TSHR: variants seen among roughly 807,000 people sequenced by gnomAD.
TSHR encodes thyrotropin receptor.
In TSHR, 51 loss-of-function variants were observed where a neutral mutation model predicts 64.1. That is an observed-to-expected ratio of 0.80 (90% CI 0.64 to 1.01). The LOEUF is 1.01. Ranked by LOEUF, TSHR falls within the 50% of genes least tolerant of loss-of-function variation. TSHR has a pLI of 0.00. For missense variants in TSHR, 877 were observed against 942.8 expected, an observed-to-expected ratio of 0.93 and a Z score of 0.91; for synonymous variants, 361 against 361.9, an observed-to-expected ratio of 1.00 and a Z score of 0.03.
intron 8 of TSHR, among the ~76,000 whole-genome samples, chr14:81,127,373 T>C (rs1383672843): frequency 6.6e-6 from 1 of 152,194 alleles, no homozygotes; most frequent in East Asian, 1.9e-4. Context: ...GTGGACCTTT[T>C]ATCTCCCACA....
Position 81,048,754 on chromosome 14 carries a change from G to A in TSHR, c.171-13394G>A, listed in dbSNP as rs1885291670. Among the ~76,000 whole-genome samples, 3 of 152,286 alleles carry A rather than the reference G, an allele frequency of 2.0e-5. No homozygotes were observed. The South Asian group carries it at 6.2e-4, about 32-fold the overall frequency. On this transcript the variant is annotated intron_variant, in intron 1 of 9. Coordinates refer to ENST00000298171, the MANE Select transcript of TSHR (RefSeq NM_000369.5). The stretch of plus-strand genomic sequence containing the variant: ...GTTGTTTGTTTCTGAACTGCGTGAT[G>A]GTAGGAGGTGCTTCTGACAATGTTC...
At chr14:81,097,703 G>T (rs532698920) in intron 7 of TSHR, among the ~76,000 whole-genome samples, 4 of 152,282 alleles carry the variant, frequency 2.6e-5, no homozygotes, top group African/African-American at 9.6e-5. Flanking sequence ...TAGGTGGTAG[G>T]TTCTGGAACA....
intron 1 of TSHR, among the ~76,000 whole-genome samples, chr14:81,028,938 A>G (rs1423939735): frequency 6.6e-6 from 1 of 151,828 alleles, no homozygotes; most frequent in Non-Finnish European, 1.5e-5. Flanking sequence ...GGAAATAAAG[A>G]ATCAGAAATA....
At chr14:81,059,539 A>G (rs1886075368) in intron 1 of TSHR, among the ~76,000 whole-genome samples, 1 of 152,194 alleles carries the variant, frequency 6.6e-6, no homozygotes, top group Non-Finnish European at 1.5e-5. Flanking sequence ...TAATTCATTT[A>G]ACATTATTGA....
At chr14:81,090,340 G>A (rs149117994) in intron 4 of TSHR, among the ~76,000 whole-genome samples, 2 of 152,252 alleles carry the variant, frequency 1.3e-5, no homozygotes, top group African/African-American at 2.4e-5. Context: ...CACCTCCCAG[G>A]TTCAAGTGAT....
intron 1 of TSHR, among the ~76,000 whole-genome samples, chr14:81,044,834 T>A (rs10147243): frequency 0.43 from 65,547 of 152,002 alleles, 18,581 homozygotes; most frequent in African/African-American, 0.82. Context: ...TGTGGAAGAC[T>A]GTGTGGTGAT....
rs73342245 is a variant in TSHR at position 81,145,081 on chromosome 14, A to G, written c.*728A>G. The G allele has an allele frequency of 3.6e-3, 835 of 233,300 alleles. 4 individuals are homozygous for G. Among genetic ancestry groups the G allele is most frequent in the African/African-American group, 0.017 (767 of 45,488 alleles). 14.5% of individuals were successfully genotyped at this position (233,300 alleles called of 1,614,324 possible). A position where few individuals can be genotyped will look rare whatever the true frequency, so the allele number is the denominator to read the frequency against. On this transcript the variant is annotated 3_prime_UTR_variant, in exon 10 of 10. Transcript: ENST00000298171. Reference sequence around the variant, plus strand: ...AGAATTGCTCTTCTTGGCCAGCCTCATAGCATAAAAGATGTGAACTCTAGG... The same window carrying G: ...AGAATTGCTCTTCTTGGCCAGCCTCGTAGCATAAAAGATGTGAACTCTAGG...
At chr14:81,059,406 A>C (rs1371454712) in intron 1 of TSHR, among the ~76,000 whole-genome samples, 2 of 152,190 alleles carry the variant, frequency 1.3e-5, no homozygotes, top group African/African-American at 4.8e-5. Context: ...CAAAATTTAC[A>C]CAAACTCAAT....
intron 1 of TSHR, among the ~76,000 whole-genome samples, chr14:81,019,888 T>G (rs112282400): frequency 0.041 from 6,188 of 152,286 alleles, 407 homozygotes; most frequent in African/African-American, 0.14. Context: ...GTTCCAAGTC[T>G]TTACTCTTGT....
In TSHR at chr14:80,983,431, G is replaced by C. The variant is rs1055357454; in HGVS notation, c.170+27581G>C. ...ATATCTGAAAATCCAACTGCAGCCA[G>C]AGACATGATCAATATGAAGGCACTG... On this transcript the variant is annotated intron_variant, in intron 1 of 9. Coordinates refer to ENST00000298171, the MANE Select transcript of TSHR (RefSeq NM_000369.5). 27 of 1,262,204 alleles carry C rather than the reference G, an allele frequency of 2.1e-5. No homozygotes were observed. In the African/African-American group the frequency reaches 3.5e-4, roughly 16 times the overall value. The allele number at this position is 1,262,204 out of a possible 1,614,324, so 78.2% of individuals were successfully genotyped here.
In TSHR at chr14:80,981,757, G is replaced by C. The variant is rs374839871; in HGVS notation, c.170+25907G>C. 6.6e-5 allele frequency among the ~76,000 whole-genome samples: 10 copies of C among 152,268 alleles called. No individual in the cohort carries two copies. The South Asian group carries it at 2.1e-3, about 32-fold the overall frequency. The stretch of plus-strand genomic sequence containing the variant: ...GACGACCATCAGCTTCAGCAGGTCT[G>C]CACTAGGGAACAATCATTCTTCCCT... On this transcript the variant is annotated intron_variant, in intron 1 of 9. Transcript: ENST00000298171.
At chr14:81,029,720 T>C (rs116151185) in intron 1 of TSHR, among the ~76,000 whole-genome samples, 2,204 of 152,246 alleles carry the variant, frequency 0.014, 64 homozygotes, top group African/African-American at 0.05. Flanking sequence ...AATCAAAGCA[T>C]TTGACATTTT....
intron 7 of TSHR, among the ~76,000 whole-genome samples, chr14:81,099,088 C>T (rs1248861453): frequency 6.6e-6 from 1 of 152,094 alleles, no homozygotes; most frequent in Non-Finnish European, 1.5e-5. Flanking sequence ...AGCACTAATG[C>T]CTAGGTTTTG....
At chr14:81,100,712 T>A (rs115528477) in intron 7 of TSHR, among the ~76,000 whole-genome samples, 2,088 of 152,304 alleles carry the variant, frequency 0.014, 40 homozygotes, top group African/African-American at 0.047. Flanking sequence ...CTTTAAAGGA[T>A]ATTACAAAGG....
At chr14:81,064,810 G>A (rs142270393) in intron 2 of TSHR, among the ~76,000 whole-genome samples, 11 of 152,106 alleles carry the variant, frequency 7.2e-5, no homozygotes, top group South Asian at 6.2e-4. Context: ...GGAGGCATCC[G>A]CAGAGAGGGA....
At chr14:80,991,859 T>C (rs1223050767) in intron 1 of TSHR, 3 of 332,694 alleles carry the variant, frequency 9.0e-6, no homozygotes, top group Non-Finnish European at 1.1e-5. Flanking sequence ...CGGTCATACA[T>C]ATCTGAGGGC....
chr14:81,048,394 G>A (rs1885274687), intron 1 of TSHR, among the ~76,000 whole-genome samples: 1 of 152,032 alleles, frequency 6.6e-6, no homozygotes, highest in Non-Finnish European at 1.5e-5. Context: ...TATCTACATG[G>A]GCTTTCTTCT....
Position 81,049,043 on chromosome 14 carries a change from A to G in TSHR, c.171-13105A>G, listed in dbSNP as rs112204732. On this transcript the variant is annotated intron_variant, in intron 1 of 9. Transcript: ENST00000298171. ...ATCCTATGATAAAATTGGTTTTGTT[A>G]TACATCATTTTCTTAAAATTGTAGT... is the stretch of plus-strand genomic sequence containing the variant. 5.7e-3 allele frequency among the ~76,000 whole-genome samples: 861 copies of G among 152,338 alleles called. 9 individuals carry two copies. Among genetic ancestry groups the G allele is most frequent in the Middle Eastern group, 0.031 (9 of 294 alleles).
chr14:80,959,291 C>T (rs1886890348), intron 1 of TSHR: 1 of 152,162 alleles, frequency 6.6e-6, no homozygotes, highest in South Asian at 2.1e-4. Context: ...AAAAATCACT[C>T]TCTTCCATTG....
Sources: gnomAD v4.1 joint callset for allele counts (sites outside exome capture counted in the v4.1 genomes callset) on GRCh38, gnomAD v4.1.1 for gene constraint, MANE v1.5 for transcripts, NCBI Gene and HGNC (gene_info 2026-07-23, HGNC 2026-07-21) for gene names.